Variants in CC2D2A observed in about 807,000 individuals in gnomAD.
The protein encoded by CC2D2A is coiled-coil and C2 domain-containing protein 2A.
In CC2D2A, 155 loss-of-function variants were observed where a neutral mutation model predicts 212.9. The observed-to-expected ratio is 0.73, with a 90% CI of 0.64 to 0.83. The LOEUF (loss-of-function observed/expected upper bound fraction) is 0.83. CC2D2A is among the 40% of genes least tolerant of loss of function. The pLI is 0.00. For missense variants in CC2D2A, 1,856 were observed against 1,956.2 expected (o/e 0.95, Z 0.97); for synonymous variants, 667 against 686.5 (o/e 0.97, Z 0.44).
chr4:15,554,236 A>T (rs1024558483), intron 19 of CC2D2A, among the ~76,000 whole-genome samples: 1 of 152,144 alleles, frequency 6.6e-6, no homozygotes, highest in Admixed American at 6.5e-5. Flanking sequence ...AAAGCTTTCA[A>T]CTCCTCAGAA....
chr4:15,474,096 G>A (rs1037005044), intron 1 of CC2D2A, among the ~76,000 whole-genome samples: 2 of 152,196 alleles, frequency 1.3e-5, no homozygotes, highest in African/African-American at 4.8e-5. Context: ...ATGGCCAGAG[G>A]AATGAAAACA....
chr4:15,563,666 T>G, intron 24 of CC2D2A, 144 bp downstream of exon 24: 1 of 755,808 alleles, frequency 1.3e-6, no homozygotes, highest in East Asian at 2.7e-5. Flanking sequence ...AAGGCCCTAC[T>G]GTTTGCAAGT....
rs2148493472 is a variant in CC2D2A at position 15,596,101 on chromosome 4, A to G, written c.4331A>G (p.Gln1444Arg). The G allele has an allele frequency of 6.5e-7, 1 of 1,547,560 alleles. No homozygotes were observed. Among genetic ancestry groups the G allele is most frequent in the Admixed American group, 2.0e-5 (1 of 50,388 alleles). ...CTTTCTTAGATTTGGTTTAATATTC[A>G]ACGATATGAATCTCCACTAAGGATA... ...IGPDNIWFNI[Q>R]RYESPLRINF... The change falls in exon 34 of 37, where the codon CAA (glutamine) becomes CGA (arginine). Residue 1444 changes from glutamine (Q) to arginine (R), a missense_variant. Coordinates refer to ENST00000424120, the MANE Select transcript of CC2D2A (RefSeq NM_001378615.1).
intron 35 of CC2D2A, among the ~76,000 whole-genome samples, chr4:15,599,044 C>T (rs1008177744): frequency 2.0e-5 from 3 of 152,078 alleles, no homozygotes; most frequent in South Asian, 2.1e-4. Context: ...CACCTGTGGT[C>T]CCAGCTACCA....
intron 33 of CC2D2A, among the ~76,000 whole-genome samples, chr4:15,594,615 A>T (rs1049265090): frequency 3.9e-5 from 6 of 152,190 alleles, no homozygotes; most frequent in Non-Finnish European, 5.9e-5. Flanking sequence ...CCATACACTG[A>T]CTTCTGTCCC....
chr4:15,505,780 TA>T (rs1716221605), intron 6 of CC2D2A, among the ~76,000 whole-genome samples: 1 of 152,182 alleles, frequency 6.6e-6, no homozygotes. Flanking sequence ...TTGAACAAGG[TA>T]AGAAGAACAC....
intron 11 of CC2D2A, among the ~76,000 whole-genome samples, 185 bp downstream of exon 11, chr4:15,516,941 CTTCTTT>C (rs1716908902): frequency 7.2e-6 from 1 of 138,010 alleles, no homozygotes; most frequent in Non-Finnish European, 1.5e-5. Context: ...CAATGCATCC[CTTCTTT>C]TTTTTTTTTT....
intron 4 of CC2D2A, among the ~76,000 whole-genome samples, chr4:15,489,105 T>C (rs989624140): frequency 1.3e-5 from 2 of 152,234 alleles, no homozygotes; most frequent in Admixed American, 6.5e-5. Context: ...CATTCATTCA[T>C]GTTAGTTTCT....
intron 17 of CC2D2A, chr4:15,543,795 G>T (rs2109042365): frequency 6.6e-6 from 1 of 152,318 alleles, no homozygotes; most frequent in African/African-American, 2.4e-5. Context: ...GTGTCAGTGG[G>T]GTCTGTTATC....
At chr4:15,594,598 T>C (rs947246850) in intron 33 of CC2D2A, among the ~76,000 whole-genome samples, 25 of 152,034 alleles carry the variant, frequency 1.6e-4, no homozygotes, top group African/African-American at 6.0e-4. Context: ...AAGGGTAGGC[T>C]CAGAAGCCAT....
At chr4:15,522,151 T>C (rs1717240786) in intron 11 of CC2D2A, among the ~76,000 whole-genome samples, 1 of 152,192 alleles carries the variant, frequency 6.6e-6, no homozygotes, top group Admixed American at 6.5e-5. Flanking sequence ...TAGTGAGCTA[T>C]TATCACACCA....
At position 15,514,685 on chromosome 4, in the gene CC2D2A, G is replaced by C. The variant is rs571443591; in HGVS notation, c.718-22G>C. ...AAGAATCTTAGCATGATTTTTTCTT[G>C]TTACTTTTTAACATTATGCAGGATG... On this transcript the variant is annotated intron_variant, in intron 8 of 36. Coordinates refer to ENST00000424120, the MANE Select transcript of CC2D2A (RefSeq NM_001378615.1). 2.7e-6 allele frequency: 4 copies of C among 1,460,388 alleles called. No homozygotes were observed. The Admixed American group carries it at 9.2e-5, about 34-fold the overall frequency. The allele number at this position is 1,460,388 out of a possible 1,614,324, so 90.5% of individuals were successfully genotyped here. A position where few individuals can be genotyped will look rare whatever the true frequency, so the allele number is the denominator to read the frequency against.
At chr4:15,525,478 A>G (rs1717459643) in intron 11 of CC2D2A, among the ~76,000 whole-genome samples, 2 of 152,178 alleles carry the variant, frequency 1.3e-5, no homozygotes, top group Admixed American at 1.3e-4. Flanking sequence ...AAAACTAATA[A>G]TACTAATGCA....
chr4:15,589,784 AAT>A (rs33940641), intron 33 of CC2D2A, 105 bp downstream of exon 33: 677 of 287,108 alleles, frequency 2.4e-3, no homozygotes, highest in Middle Eastern at 5.1e-3. Context: ...TATATAAATG[AAT>A]ATATATATAT....
At chr4:15,554,844 T>C (rs905709629) in intron 19 of CC2D2A, among the ~76,000 whole-genome samples, 2 of 152,250 alleles carry the variant, frequency 1.3e-5, no homozygotes, top group African/African-American at 4.8e-5. Context: ...TGGACAGAGT[T>C]GTAGGAATTA....
At position 15,567,372 on chromosome 4, in the gene CC2D2A, C is replaced by T. The variant is rs763724257; in HGVS notation, c.3183-5C>T. On this transcript the variant is annotated splice_region_variant and splice_polypyrimidine_tract_variant and intron_variant, in intron 24 of 36. Coordinates refer to ENST00000424120, the MANE Select transcript of CC2D2A (RefSeq NM_001378615.1). ...TTAATTTCCTTCATACATTTTCTCTCCTAGCAAATTCCAGCAGCCGTCGAG... is the reference window on the plus strand; with the variant it reads ...TTAATTTCCTTCATACATTTTCTCTTCTAGCAAATTCCAGCAGCCGTCGAG... 1.2e-6 allele frequency: 2 copies of T among 1,606,862 alleles called. No homozygotes were observed. Among genetic ancestry groups the T allele is most frequent in the Admixed American group, 3.4e-5 (2 of 59,546 alleles).
At chr4:15,474,556 A>G (rs918594155) in intron 1 of CC2D2A, among the ~76,000 whole-genome samples, 5 of 152,194 alleles carry the variant, frequency 3.3e-5, no homozygotes, top group African/African-American at 1.2e-4. Flanking sequence ...GTTAATAATA[A>G]TTTAATTGTA....
intron 18 of CC2D2A, among the ~76,000 whole-genome samples, 185 bp downstream of exon 18, chr4:15,551,165 G>C (rs1718990705): frequency 6.6e-6 from 1 of 152,206 alleles, no homozygotes; most frequent in Admixed American, 6.5e-5. Context: ...GACAATGTAA[G>C]TGCATATAAC....
intron 28 of CC2D2A, among the ~76,000 whole-genome samples, chr4:15,572,583 A>G (rs2109076295): frequency 6.6e-6 from 1 of 151,672 alleles, no homozygotes. Context: ...ATGCTGCTGA[A>G]CATCCTACAA....
Sources: gnomAD v4.1 joint callset for allele counts (sites outside exome capture counted in the v4.1 genomes callset) on GRCh38, gnomAD v4.1.1 for gene constraint, MANE v1.5 for transcripts, NCBI Gene and HGNC (gene_info 2026-07-23, HGNC 2026-07-21) for gene names.